The following FRMD4B variants were observed in gnomAD, a reference collection of about 807,000 sequenced individuals.
FRMD4B encodes FERM domain containing 4B, also known as FERM domain-containing protein 4B.
In FRMD4B, 74 loss-of-function variants were observed where a neutral mutation model predicts 141.5. That is an observed-to-expected ratio of 0.52 (90% CI 0.43 to 0.63). The LOEUF is 0.63. Among genes scored for constraint, FRMD4B ranks in the 30% least tolerant of loss-of-function variants. FRMD4B has a pLI of 0.00. For synonymous variants in FRMD4B, 506 were observed against 467.9 expected, an observed-to-expected ratio of 1.08 and a Z score of -1.05; for missense variants, 1,366 against 1,253.4, an observed-to-expected ratio of 1.09 and a Z score of -1.36.
intron 18 of FRMD4B, 137 bp from the exon 19 acceptor site, chr3:69,188,054 A>G (rs1011751244): frequency 1.6e-6 from 1 of 642,426 alleles, no homozygotes; most frequent in Non-Finnish European, 2.8e-6. Flanking sequence ...TTTTTAGAAG[A>G]ACATAACTCT....
At chr3:69,504,088 C>T (rs1575593883) in intron 1 of FRMD4B, among the ~76,000 whole-genome samples, 1 of 152,142 alleles carries the variant, frequency 6.6e-6, no homozygotes, top group East Asian at 1.9e-4. Flanking sequence ...ATAATATTGG[C>T]ATATGTTTTT....
intron 1 of FRMD4B, chr3:69,536,077 C>T (rs1327712421): frequency 2.2e-6 from 1 of 448,180 alleles, no homozygotes. Flanking sequence ...CGGGCTGTGG[C>T]CTGGTGTCCT....
rs950443495 is a variant in FRMD4B, at chr3:69,214,593, T to G, written c.876+1670A>C. ...AGCAGATTCAGCTGAGCACAGTGGC[T>G]CGTGCCTGTAATCCCAGCACTTTGG... On this transcript the variant is annotated intron_variant, in intron 11 of 22. Transcript: ENST00000398540. 3.9e-5 allele frequency among the ~76,000 whole-genome samples: 6 copies of G among 152,202 alleles called. No homozygotes were observed. In the South Asian group the frequency reaches 1.2e-3, roughly 31 times the overall value.
At chr3:69,202,971 T>G (rs1313935045) in intron 11 of FRMD4B, among the ~76,000 whole-genome samples, 1 of 151,176 alleles carries the variant, frequency 6.6e-6, no homozygotes. Flanking sequence ...AAAAACAAAG[T>G]GACAAAAATT....
At chr3:69,366,611 C>A (rs912994572) in intron 1 of FRMD4B, among the ~76,000 whole-genome samples, 1 of 152,066 alleles carries the variant, frequency 6.6e-6, no homozygotes, top group Non-Finnish European at 1.5e-5. Context: ...CATTAAAGAA[C>A]CTTCATGTTC....
At chr3:69,426,630 C>T (rs1218318375) in intron 2 of FRMD4B, among the ~76,000 whole-genome samples, 1 of 152,152 alleles carries the variant, frequency 6.6e-6, no homozygotes, top group Non-Finnish European at 1.5e-5. Flanking sequence ...CTAGAAGATT[C>T]ACAGGAGTGC....
At position 69,302,811 on chromosome 3, in the gene FRMD4B, G is replaced by A. The variant is rs1313857532; in HGVS notation, c.324-376C>T. Among the ~76,000 whole-genome samples the A allele has an allele frequency of 2.0e-5, 3 of 152,344 alleles. No individual in the cohort carries two copies. In the East Asian group the frequency reaches 5.8e-4, roughly 29 times the overall value. The stretch of plus-strand genomic sequence containing the variant: ...AGAGTGGGCAGGCACAGTGGCTCAT[G>A]CCTGTAATCCCAGCACTTTGGGAGG... On this transcript the variant is annotated intron_variant, in intron 3 of 22. Transcript: ENST00000398540.
chr3:69,525,246 A>T (rs1396493893), intron 1 of FRMD4B, among the ~76,000 whole-genome samples: 1 of 152,246 alleles, frequency 6.6e-6, no homozygotes, highest in Non-Finnish European at 1.5e-5. Context: ...TGGAGCTCAC[A>T]GTCTTTTTTC....
At chr3:69,509,502 A>G (rs956133181) in intron 1 of FRMD4B, among the ~76,000 whole-genome samples, 11 of 152,180 alleles carry the variant, frequency 7.2e-5, no homozygotes, top group African/African-American at 2.2e-4. Context: ...CATTAAGTAA[A>G]TCTTGACTAT....
chr3:69,350,416 C>T (rs1319161534), intron 1 of FRMD4B, among the ~76,000 whole-genome samples: 11 of 152,108 alleles, frequency 7.2e-5, no homozygotes, highest in African/African-American at 1.2e-4. Context: ...GACAGTGTGG[C>T]GATTCCTCAG....
intron 1 of FRMD4B, among the ~76,000 whole-genome samples, chr3:69,356,061 C>T (rs752360861): frequency 9.9e-5 from 15 of 152,102 alleles, no homozygotes; most frequent in South Asian, 4.2e-4. Flanking sequence ...ACAGGATCCC[C>T]GCTTTTCTTT....
At chr3:69,495,433 G>A (rs1251509553) in intron 1 of FRMD4B, among the ~76,000 whole-genome samples, 21 of 152,210 alleles carry the variant, frequency 1.4e-4, no homozygotes, top group Admixed American at 1.3e-3. Flanking sequence ...GAAGGCAGGA[G>A]GAGAGTTGGT....
intron 1 of FRMD4B, among the ~76,000 whole-genome samples, chr3:69,495,296 GAAC>G (rs2107038921): frequency 6.6e-6 from 1 of 152,334 alleles, no homozygotes; most frequent in South Asian, 2.1e-4. Flanking sequence ...CAGAACAGAA[GAAC>G]CTGTGTGAGT....
At chr3:69,470,389 C>T (rs1416574686) in intron 1 of FRMD4B, among the ~76,000 whole-genome samples, 5 of 151,976 alleles carry the variant, frequency 3.3e-5, no homozygotes, top group Non-Finnish European at 5.9e-5. Flanking sequence ...CACCATTTTG[C>T]AAGTTCTACT....
intron 1 of FRMD4B, among the ~76,000 whole-genome samples, chr3:69,378,637 T>A (rs772934946): frequency 2.6e-5 from 4 of 152,156 alleles, no homozygotes; most frequent in Non-Finnish European, 5.9e-5. Context: ...ATGCAATACT[T>A]CCCAAGTCTA....
At chr3:69,198,605 CAT>C (rs1208650393) in intron 12 of FRMD4B, 91 bp downstream of exon 12, 2 of 708,416 alleles carry the variant, frequency 2.8e-6, no homozygotes, top group Non-Finnish European at 5.1e-6. Flanking sequence ...GAAATGAAAA[CAT>C]ATGTTCATAT....
At chr3:69,432,250 G>A (rs1301818552) in intron 2 of FRMD4B, among the ~76,000 whole-genome samples, 1 of 152,128 alleles carries the variant, frequency 6.6e-6, no homozygotes, top group East Asian at 1.9e-4. Flanking sequence ...CTGTTCAACT[G>A]CAAATAAAAA....
At chr3:69,409,479 C>T (rs1704716474) in intron 2 of FRMD4B, among the ~76,000 whole-genome samples, 1 of 152,294 alleles carries the variant, frequency 6.6e-6, no homozygotes, top group East Asian at 1.9e-4. Flanking sequence ...AGCTACTTCC[C>T]AGTCACCTCT....
rs34238889 is a variant in FRMD4B at position 69,330,340 on chromosome 3, C to CTTTTT, written c.163-16828_163-16824dup. Among the ~76,000 whole-genome samples, 263 of 42,928 alleles carry CTTTTT rather than the reference C, an allele frequency of 6.1e-3. 21 individuals are homozygous for CTTTTT. The highest frequency in any genetic ancestry group is 0.026 in the African/African-American group (219 of 8,330). 28.2% of individuals were successfully genotyped at this position (42,928 alleles called of 152,430 possible). The stretch of plus-strand genomic sequence containing the variant: ...CAACATTATATTTTGATTCTTTTGC[C>CTTTTT]TTTTTTTTTTTTTTTTTTTTTTTTG... On this transcript the variant is annotated intron_variant, in intron 1 of 22. Coordinates refer to ENST00000398540, the MANE Select transcript of FRMD4B (RefSeq NM_015123.3).
Sources: gnomAD v4.1 joint callset for allele counts (sites outside exome capture counted in the v4.1 genomes callset) on GRCh38, gnomAD v4.1.1 for gene constraint, MANE v1.5 for transcripts, NCBI Gene and HGNC (gene_info 2026-07-23, HGNC 2026-07-21) for gene names.